The following AGBL4 variants were observed in gnomAD, a reference collection of about 807,000 sequenced individuals.
AGBL4 encodes AGBL carboxypeptidase 4, also known as cytosolic carboxypeptidase 6.
A neutral mutation model predicts 66.4 loss-of-function variants in AGBL4; 58 were observed. That is an observed-to-expected ratio of 0.87 (90% CI 0.71 to 1.09). The LOEUF (loss-of-function observed/expected upper bound fraction) is 1.09. Among genes scored for constraint, AGBL4 ranks in the 50% least tolerant of loss-of-function variants. The pLI is 0.00. For synonymous variants in AGBL4, 234 were observed against 222.9 expected (o/e 1.05, Z -0.44); for missense variants, 579 against 631.0 (o/e 0.92, Z 0.88).
chr1:49,844,723 G>A (rs555505904), intron 2 of AGBL4: 4 of 1,606,036 alleles, frequency 2.5e-6, no homozygotes, highest in Admixed American at 1.7e-5. Context: ...CAAACTGTCA[G>A]TTCTAAAGCA....
chr1:49,224,789 G>C (rs1269344568), intron 4 of AGBL4, among the ~76,000 whole-genome samples: 1 of 151,980 alleles, frequency 6.6e-6, no homozygotes, highest in Admixed American at 6.6e-5. Context: ...TACTCTTTAG[G>C]GATTCACAGT....
chr1:49,122,876 CAG>C (rs1215993282), intron 4 of AGBL4, among the ~76,000 whole-genome samples: 7 of 152,190 alleles, frequency 4.6e-5, no homozygotes, highest in South Asian at 2.1e-4. Flanking sequence ...TTTTCTGAGA[CAG>C]AGTCTCACTC....
chr1:49,996,886 A>C (rs1660405609), intron 1 of AGBL4, among the ~76,000 whole-genome samples: 1 of 152,214 alleles, frequency 6.6e-6, no homozygotes, highest in Non-Finnish European at 1.5e-5. Flanking sequence ...ACAAGCTAGA[A>C]GGTACTGAGG....
rs543374078 is a variant in AGBL4, at chr1:49,549,389, C to T, written c.282+147924G>A. Among the ~76,000 whole-genome samples the T allele has an allele frequency of 4.6e-5, 7 of 151,756 alleles. No homozygotes were observed. In the East Asian group the frequency reaches 1.2e-3, roughly 25 times the overall value. On this transcript the variant is annotated intron_variant, in intron 3 of 13. Transcript: ENST00000371839. ...TGACCTTAGAATGTCAATTTGTGCT[C>T]TTTCAATCTTTTTGATGTAGGCGTT...
intron 3 of AGBL4, among the ~76,000 whole-genome samples, chr1:49,316,658 T>C (rs191340871): frequency 2.6e-5 from 4 of 152,016 alleles, no homozygotes; most frequent in South Asian, 2.1e-4. Flanking sequence ...ATCAGAGAGA[T>C]TGGCATATTT....
intron 3 of AGBL4, among the ~76,000 whole-genome samples, chr1:49,579,030 G>T (rs915243922): frequency 6.6e-6 from 1 of 152,162 alleles, no homozygotes; most frequent in Non-Finnish European, 1.5e-5. Context: ...ATGTGAAAAG[G>T]AGAGAAAGGC....
At chr1:49,764,203 C>G (rs1652560838) in intron 2 of AGBL4, among the ~76,000 whole-genome samples, 1 of 152,130 alleles carries the variant, frequency 6.6e-6, no homozygotes, top group Non-Finnish European at 1.5e-5. Context: ...GGCTGGGCAC[C>G]TTTACATGCC....
chr1:48,553,626 T>C (rs1644280533), intron 11 of AGBL4, among the ~76,000 whole-genome samples: 1 of 152,192 alleles, frequency 6.6e-6, no homozygotes, highest in African/African-American at 2.4e-5. Flanking sequence ...AAGGGGTTCC[T>C]GAACCCTCTG....
At chr1:48,594,080 C>T (rs1396582365) in intron 9 of AGBL4, among the ~76,000 whole-genome samples, 1 of 152,154 alleles carries the variant, frequency 6.6e-6, no homozygotes, top group East Asian at 1.9e-4. Context: ...AATCCCAGCA[C>T]TTTGGGAGGC....
intron 5 of AGBL4, among the ~76,000 whole-genome samples, chr1:48,937,879 G>A (rs753276606): frequency 6.6e-6 from 1 of 152,094 alleles, no homozygotes; most frequent in Non-Finnish European, 1.5e-5. Flanking sequence ...GTCTCTTTGG[G>A]ACATTTCTAA....
chr1:49,752,818 A>T (rs1479212921), intron 2 of AGBL4, among the ~76,000 whole-genome samples: 1 of 152,190 alleles, frequency 6.6e-6, no homozygotes, highest in African/African-American at 2.4e-5. Context: ...CTTTACCATT[A>T]TGTAATGCCC....
intron 2 of AGBL4, among the ~76,000 whole-genome samples, chr1:49,728,885 A>G (rs1258000482): frequency 6.6e-6 from 1 of 152,216 alleles, no homozygotes; most frequent in Non-Finnish European, 1.5e-5. Context: ...CTAAAACAAA[A>G]CAAAACAAAA....
intron 6 of AGBL4, among the ~76,000 whole-genome samples, chr1:48,800,438 T>C (rs1283040369): frequency 1.3e-5 from 2 of 152,218 alleles, no homozygotes; most frequent in Non-Finnish European, 2.9e-5. Context: ...GTTTATCCTT[T>C]CAAAGAACCA....
chr1:49,697,420 C>T lies in AGBL4; in HGVS notation c.175G>A (p.Asp59Asn). Reference sequence around the variant, plus strand: ...TCATACTCAAACTCAGAGACCTGGTCCACCCGGCCCAGGTTACCTGGTAAT... The same window carrying T: ...TCATACTCAAACTCAGAGACCTGGTTCACCCGGCCCAGGTTACCTGGTAAT... ...CFESGNLGRVDQVSEFEYDLF... is the reference protein window; with the variant it reads ...CFESGNLGRVNQVSEFEYDLF... Residue 59 changes from aspartate to asparagine, a missense_variant, in exon 3 of 14, where the codon GAC becomes AAC. Asp to Asn is a conservative substitution (Grantham distance 23). Coordinates refer to ENST00000371839, the MANE Select transcript of AGBL4 (RefSeq NM_032785.4). The T allele has an allele frequency of 6.6e-7, 1 of 1,520,556 alleles. No homozygotes were observed. Among genetic ancestry groups the T allele is most frequent in the Non-Finnish European group, 8.9e-7 (1 of 1,123,614 alleles). 94.2% of individuals were successfully genotyped at this position (1,520,556 alleles called of 1,614,324 possible).
At chr1:49,572,566 G>A (rs11488178) in intron 3 of AGBL4, among the ~76,000 whole-genome samples, 3,001 of 151,918 alleles carry the variant, frequency 0.02, 114 homozygotes, top group African/African-American at 0.069. Flanking sequence ...TGTTCTGTTC[G>A]TGGTTCAGTC....
chr1:48,939,674 C>T (rs185464554), intron 5 of AGBL4, among the ~76,000 whole-genome samples: 7 of 152,266 alleles, frequency 4.6e-5, no homozygotes, highest in Admixed American at 3.9e-4. Flanking sequence ...AGCAAATCAG[C>T]TTCTGTACCT....
intron 4 of AGBL4, among the ~76,000 whole-genome samples, chr1:49,179,066 A>G (rs921751996): frequency 6.6e-6 from 1 of 152,210 alleles, no homozygotes; most frequent in African/African-American, 2.4e-5. Flanking sequence ...AATTTTTCTC[A>G]TAAATTGAGG....
At chr1:49,360,183 A>G (rs1024040233) in intron 3 of AGBL4, among the ~76,000 whole-genome samples, 2 of 152,200 alleles carry the variant, frequency 1.3e-5, no homozygotes, top group Non-Finnish European at 2.9e-5. Flanking sequence ...ATCCTAGCAG[A>G]GTGGAAAACC....
chr1:48,796,134 C>T (rs1645668293), intron 6 of AGBL4, among the ~76,000 whole-genome samples: 2 of 152,218 alleles, frequency 1.3e-5, no homozygotes, highest in Non-Finnish European at 2.9e-5. Context: ...CCCCTAATAC[C>T]ATTCATTTGT....
Sources: allele counts gnomAD v4.1 joint callset (sites outside exome capture counted in the v4.1 genomes callset), GRCh38; gene constraint gnomAD v4.1.1; transcripts MANE v1.5; gene names NCBI Gene and HGNC (gene_info 2026-07-23, HGNC 2026-07-21).